Variants in LRRC4C observed in about 807,000 individuals in gnomAD.
The protein encoded by LRRC4C is leucine-rich repeat-containing protein 4C.
Under a neutral mutation model 33.6 loss-of-function variants are expected in LRRC4C, and 5 were observed. The ratio of observed to expected loss-of-function variants is 0.15; its 90% CI spans 0.08 to 0.31. The LOEUF is 0.31. Ranked by LOEUF, LRRC4C falls within the 10% of genes least tolerant of loss-of-function variation. LRRC4C has a pLI of 1.00. For synonymous variants in LRRC4C, 329 were observed against 302.0 expected (o/e 1.09, Z -0.93); for missense variants, 560 against 796.7 (o/e 0.70, Z 3.58).
At chr11:40,824,314 ATG>A (rs1293003290) in intron 2 of LRRC4C, among the ~76,000 whole-genome samples, 4 of 152,072 alleles carry the variant, frequency 2.6e-5, no homozygotes, top group African/African-American at 7.2e-5. Flanking sequence ...AGCTGTTAAG[ATG>A]TATAGAATAT....
chr11:40,633,850 TGTGA>T (rs772364793), intron 3 of LRRC4C, among the ~76,000 whole-genome samples: 105 of 152,364 alleles, frequency 6.9e-4, no homozygotes, highest in Non-Finnish European at 1.0e-3. Flanking sequence ...TTGTATTTTA[TGTGA>T]GTATTTTGTA....
intron 3 of LRRC4C, among the ~76,000 whole-genome samples, chr11:40,490,587 T>C (rs558408040): frequency 6.6e-6 from 1 of 152,310 alleles, no homozygotes; most frequent in South Asian, 2.1e-4. Context: ...CTCTTAACCC[T>C]TGGGCCTGAG....
At chr11:40,187,967 G>A (rs1007118321) in intron 5 of LRRC4C, among the ~76,000 whole-genome samples, 3 of 152,110 alleles carry the variant, frequency 2.0e-5, no homozygotes, top group African/African-American at 7.2e-5. Context: ...TTAGCGGAAG[G>A]ACAGAGAATA....
chr11:40,998,067 C>A (rs968639117), intron 1 of LRRC4C, among the ~76,000 whole-genome samples: 2 of 152,048 alleles, frequency 1.3e-5, no homozygotes, highest in Admixed American at 6.6e-5. Flanking sequence ...ATAAAGTATA[C>A]TGCAGAAAAG....
At chr11:41,227,428 A>C (rs557856849) in intron 1 of LRRC4C, among the ~76,000 whole-genome samples, 1 of 152,246 alleles carries the variant, frequency 6.6e-6, no homozygotes, top group African/African-American at 2.4e-5. Flanking sequence ...CATATTCCAA[A>C]AGTACAGAAA....
intron 1 of LRRC4C, among the ~76,000 whole-genome samples, chr11:41,015,777 C>T (rs999980872): frequency 6.6e-6 from 1 of 152,052 alleles, no homozygotes; most frequent in Non-Finnish European, 1.5e-5. Flanking sequence ...ACCAGTAGTG[C>T]TCAGAAACTT....
At chr11:40,254,616 A>G (rs890137195) in intron 4 of LRRC4C, among the ~76,000 whole-genome samples, 6 of 152,244 alleles carry the variant, frequency 3.9e-5, no homozygotes, top group African/African-American at 1.4e-4. Flanking sequence ...GCATATGTGT[A>G]TGTTCCTATA....
At chr11:40,796,635 C>CTTTTTTTTTTTTT (rs1188389556) in intron 2 of LRRC4C, among the ~76,000 whole-genome samples, 5 of 104,906 alleles carry the variant, frequency 4.8e-5, no homozygotes, top group African/African-American at 7.6e-5. Context: ...AAGCAGAACT[C>CTTTTTTTTTTTTT]TTTTTTTTTT....
intron 3 of LRRC4C, among the ~76,000 whole-genome samples, chr11:40,481,033 C>T (rs1953532677): frequency 6.8e-6 from 1 of 147,664 alleles, no homozygotes; most frequent in Non-Finnish European, 1.5e-5. Flanking sequence ...GTTAATAACA[C>T]TATATTATAG....
At chr11:40,897,279 T>A (rs1427435254) in intron 2 of LRRC4C, among the ~76,000 whole-genome samples, 2 of 152,188 alleles carry the variant, frequency 1.3e-5, no homozygotes, top group Non-Finnish European at 2.9e-5. Context: ...CATAATTATT[T>A]AAAAATATCT....
chr11:41,081,571 T>C (rs930533234), intron 1 of LRRC4C, among the ~76,000 whole-genome samples: 12 of 152,188 alleles, frequency 7.9e-5, no homozygotes, highest in African/African-American at 2.9e-4. Context: ...GGTTTCGGTT[T>C]AGCTTATTAT....
chr11:40,911,453 C>T (rs35240926), intron 2 of LRRC4C, among the ~76,000 whole-genome samples: 2,547 of 152,238 alleles, frequency 0.017, 38 homozygotes, highest in Non-Finnish European at 0.027. Context: ...AGTGGACCTC[C>T]GGCAAACTCC....
chr11:40,937,906 C>G (rs765334621), intron 1 of LRRC4C, among the ~76,000 whole-genome samples: 38 of 152,048 alleles, frequency 2.5e-4, no homozygotes, highest in Non-Finnish European at 3.8e-4. Flanking sequence ...ATCCTTCTGC[C>G]TTGGCCTCCC....
chr11:41,320,963 A>G (rs1404614299), intron 1 of LRRC4C, among the ~76,000 whole-genome samples: 3 of 152,172 alleles, frequency 2.0e-5, no homozygotes, highest in African/African-American at 2.4e-5. Flanking sequence ...GTTTCCTGCC[A>G]TGGGACTTCT....
chr11:41,279,116 A>G (rs1463082636), intron 1 of LRRC4C, among the ~76,000 whole-genome samples: 1 of 152,158 alleles, frequency 6.6e-6, no homozygotes, highest in African/African-American at 2.4e-5. Flanking sequence ...AGCTGCATCC[A>G]TGCTACTGTG....
chr11:41,025,850 T>C (rs766994595), intron 1 of LRRC4C, among the ~76,000 whole-genome samples: 55 of 151,882 alleles, frequency 3.6e-4, no homozygotes, highest in African/African-American at 1.3e-3. Context: ...GTTCTATAAA[T>C]GGAACCACAT....
intron 3 of LRRC4C, among the ~76,000 whole-genome samples, chr11:40,396,533 G>A (rs914436865): frequency 1.3e-5 from 2 of 152,084 alleles, no homozygotes; most frequent in Admixed American, 6.6e-5. Context: ...GAGAGTGATG[G>A]AGAGGAATTA....
intron 5 of LRRC4C, among the ~76,000 whole-genome samples, chr11:40,240,721 G>C (rs1671921174): frequency 1.3e-5 from 2 of 152,122 alleles, no homozygotes; most frequent in African/African-American, 4.8e-5. Context: ...GTCCTCTACA[G>C]TATGACTTTT....
intron 2 of LRRC4C, among the ~76,000 whole-genome samples, chr11:40,712,911 T>G (rs1946536659): frequency 6.6e-6 from 1 of 151,874 alleles, no homozygotes; most frequent in South Asian, 2.1e-4. Context: ...TTAATTGAGA[T>G]GGAGTCTCAC....
Sources: gnomAD v4.1 joint callset for allele counts (sites outside exome capture counted in the v4.1 genomes callset) on GRCh38, gnomAD v4.1.1 for gene constraint, MANE v1.5 for transcripts, NCBI Gene and HGNC (gene_info 2026-07-23, HGNC 2026-07-21) for gene names.